Variants in DGKI observed in about 807,000 individuals in gnomAD.
DGKI encodes the protein DAG kinase iota.
Under a neutral mutation model 147.5 loss-of-function variants are expected in DGKI, and 55 were observed. The observed-to-expected ratio is 0.37, with a 90% CI of 0.30 to 0.47. The LOEUF is 0.47. Among genes scored for constraint, DGKI ranks in the 20% least tolerant of loss-of-function variants. The pLI, the probability that DGKI is intolerant of heterozygous loss-of-function variation, is 1.00. For missense variants in DGKI, 1,007 were observed against 1,323.8 expected (o/e 0.76, Z 3.71); for synonymous variants, 469 against 477.1 (o/e 0.98, Z 0.22).
chr7:137,594,210 C>A (rs1819712363), intron 12 of DGKI, among the ~76,000 whole-genome samples: 1 of 152,112 alleles, frequency 6.6e-6, no homozygotes, highest in Non-Finnish European at 1.5e-5. Flanking sequence ...CCATGCCCGA[C>A]TAATTTTTAT....
At chr7:137,414,605 G>A (rs2128902689) in intron 28 of DGKI, among the ~76,000 whole-genome samples, 2 of 151,330 alleles carry the variant, frequency 1.3e-5, no homozygotes, top group African/African-American at 2.4e-5. Context: ...CCATAGTGGA[G>A]TTTAAAGTAA....
chr7:137,520,318 G>T (rs1816918409), intron 21 of DGKI, among the ~76,000 whole-genome samples: 1 of 152,034 alleles, frequency 6.6e-6, no homozygotes, highest in Admixed American at 6.6e-5. Flanking sequence ...CTTCAAACAA[G>T]AAAGAACATA....
At chr7:137,537,525 T>C (rs919606301) in intron 20 of DGKI, among the ~76,000 whole-genome samples, 12 of 152,038 alleles carry the variant, frequency 7.9e-5, no homozygotes. Flanking sequence ...ATAATAATAA[T>C]AACAAAAGCA....
intron 30 of DGKI, among the ~76,000 whole-genome samples, chr7:137,398,705 A>T (rs531880109): frequency 1.2e-4 from 18 of 151,880 alleles, no homozygotes; most frequent in African/African-American, 3.6e-4. Context: ...AATCATCTTG[A>T]CCTCTTCTCT....
intron 25 of DGKI, among the ~76,000 whole-genome samples, chr7:137,466,593 G>T (rs531851525): frequency 1.1e-4 from 17 of 152,196 alleles, no homozygotes; most frequent in Non-Finnish European, 1.9e-4. Flanking sequence ...AGCTTAAAAA[G>T]ACATGAAATT....
Position 137,469,542 on chromosome 7 carries a change from G to A in DGKI, c.2443+8C>T. The A allele has an allele frequency of 1.9e-6, 3 of 1,613,834 alleles. No homozygotes were observed. The highest frequency in any genetic ancestry group is 2.5e-6 in the Non-Finnish European group (3 of 1,179,824). Reference sequence around the variant, plus strand: ...TCCCACGATACCCGCAAGAAAGGCAGAACTCACCATCTAGGAAGCACCACC... The same window carrying A: ...TCCCACGATACCCGCAAGAAAGGCAAAACTCACCATCTAGGAAGCACCACC... On this transcript the variant is annotated splice_region_variant and intron_variant, in intron 24 of 32. Transcript: ENST00000614521.
At chr7:137,559,987 G>A (rs1425271510) in intron 19 of DGKI, among the ~76,000 whole-genome samples, 2 of 152,074 alleles carry the variant, frequency 1.3e-5, no homozygotes, top group African/African-American at 2.4e-5. Flanking sequence ...AGTAGAATTC[G>A]TCCCTTATAT....
chr7:137,476,897 A>G (rs76640975), intron 23 of DGKI, among the ~76,000 whole-genome samples: 1,787 of 152,306 alleles, frequency 0.012, 31 homozygotes, highest in African/African-American at 0.041. Flanking sequence ...CAGCTTCTAG[A>G]GGAATTATGA....
chr7:137,718,389 C>A (rs1742073768), intron 1 of DGKI, among the ~76,000 whole-genome samples: 1 of 152,124 alleles, frequency 6.6e-6, no homozygotes, highest in Non-Finnish European at 1.5e-5. Context: ...AGATGCCCAC[C>A]CTGCCAGGGG....
At chr7:137,579,393 A>G (rs1297459566) in intron 15 of DGKI, among the ~76,000 whole-genome samples, 7 of 151,542 alleles carry the variant, frequency 4.6e-5, no homozygotes, top group Non-Finnish European at 1.0e-4. Context: ...TTTCTTGACT[A>G]ACTAGTTAAA....
In DGKI at chr7:137,388,447, CTG is replaced by C. The variant is rs1811245297; in HGVS notation, c.*2771_*2772del. ...AGCCAAGCTAGCTGCCTCTTCAGTG[CTG>C]TCTCAGTAGGCTTTGTAGAAATGAT... On this transcript the variant is annotated 3_prime_UTR_variant, in exon 33 of 33. Transcript: ENST00000614521. 6.6e-6 allele frequency: 1 copy of C among 152,184 alleles called. No homozygotes were observed. Among genetic ancestry groups the C allele is most frequent in the Admixed American group, 6.5e-5 (1 of 15,268 alleles). 9.4% of individuals were successfully genotyped at this position (152,184 alleles called of 1,614,324 possible).
At chr7:137,592,766 C>T (rs1418729359) in intron 12 of DGKI, among the ~76,000 whole-genome samples, 1 of 152,204 alleles carries the variant, frequency 6.6e-6, no homozygotes, top group Non-Finnish European at 1.5e-5. Context: ...CACAATAATT[C>T]TTCCTTTTGA....
intron 6 of DGKI, among the ~76,000 whole-genome samples, chr7:137,628,933 T>C (rs777138957): frequency 6.6e-6 from 1 of 152,246 alleles, no homozygotes; most frequent in Non-Finnish European, 1.5e-5. Flanking sequence ...ATTTATTTCA[T>C]TATTTCTGTA....
intron 14 of DGKI, among the ~76,000 whole-genome samples, chr7:137,584,018 A>C (rs765085135): frequency 2.0e-5 from 3 of 152,200 alleles, no homozygotes; most frequent in Non-Finnish European, 2.9e-5. Context: ...CTATTAAATT[A>C]TAATATATGT....
intron 6 of DGKI, among the ~76,000 whole-genome samples, chr7:137,641,112 A>G (rs2129006542): frequency 6.6e-6 from 1 of 152,248 alleles, no homozygotes; most frequent in South Asian, 2.1e-4. Context: ...ATGAGCTATG[A>G]TGGTTTTAAA....
At chr7:137,806,843 G>A (rs1011771323) in intron 1 of DGKI, among the ~76,000 whole-genome samples, 1 of 152,128 alleles carries the variant, frequency 6.6e-6, no homozygotes, top group Non-Finnish European at 1.5e-5. Context: ...CCACCAAAAA[G>A]TGGAATAAGA....
chr7:137,399,696 G>T (rs1263536589), intron 30 of DGKI, among the ~76,000 whole-genome samples: 1 of 152,142 alleles, frequency 6.6e-6, no homozygotes, highest in African/African-American at 2.4e-5. Context: ...GATCATTTGA[G>T]GTCAGGAATT....
chr7:137,622,942 GT>G, intron 7 of DGKI, among the ~76,000 whole-genome samples: 1 of 152,198 alleles, frequency 6.6e-6, no homozygotes, highest in Middle Eastern at 3.2e-3. Flanking sequence ...ATTTCAATGA[GT>G]GTACAGACAA....
At chr7:137,453,602 A>G (rs890782152) in intron 27 of DGKI, among the ~76,000 whole-genome samples, 2 of 152,180 alleles carry the variant, frequency 1.3e-5, no homozygotes, top group Non-Finnish European at 2.9e-5. Context: ...TTGAAATGAG[A>G]GAAAGACAAA....
Sources: gnomAD v4.1 joint callset for allele counts (sites outside exome capture counted in the v4.1 genomes callset) on GRCh38, gnomAD v4.1.1 for gene constraint, MANE v1.5 for transcripts, NCBI Gene and HGNC (gene_info 2026-07-23, HGNC 2026-07-21) for gene names.